MYO16: variants seen among roughly 807,000 people sequenced by gnomAD.
MYO16 encodes unconventional myosin-XVI.
Under a neutral mutation model 205.3 loss-of-function variants are expected in MYO16, and 94 were observed. The ratio of observed to expected loss-of-function variants is 0.46; its 90% CI spans 0.39 to 0.54. MYO16 has a LOEUF of 0.54. Ranked by LOEUF, MYO16 falls within the 20% of genes least tolerant of loss-of-function variation. The probability of loss-of-function intolerance (pLI) is 0.00; values close to 1 mark genes in which losing one functional copy is unlikely to be tolerated. For missense variants in MYO16, 2,315 were observed against 2,387.5 expected (o/e 0.97, Z 0.63); for synonymous variants, 988 against 954.0 (o/e 1.04, Z -0.66).
chr13:108,734,932 C>T (rs1884640960), intron 4 of MYO16, among the ~76,000 whole-genome samples: 1 of 152,036 alleles, frequency 6.6e-6, no homozygotes, highest in South Asian at 2.1e-4. Flanking sequence ...CCTAGAAAGT[C>T]CAGTGAGAAG....
chr13:108,841,447 A>G (rs879216056), intron 9 of MYO16, among the ~76,000 whole-genome samples: 5 of 151,890 alleles, frequency 3.3e-5, no homozygotes, highest in African/African-American at 1.2e-4. Flanking sequence ...GTAAAGCTTA[A>G]AATTGTACAA....
rs558030818 is a variant in MYO16 at position 109,160,012 on chromosome 13, T to A, written c.5165-4889T>A. ...TGTTTTAAAGCGAGGTTTCTCGGCC[T>A]CAGTACAATGGACATTCTGAGCTGG... On this transcript the variant is annotated intron_variant, in intron 32 of 34. Coordinates refer to ENST00000457511, the MANE Select transcript of MYO16 (RefSeq NM_001198950.3). Among the ~76,000 whole-genome samples the A allele has an allele frequency of 9.3e-4, 142 of 152,352 alleles. 2 individuals are homozygous for A. The highest frequency in any genetic ancestry group is 1.8e-3 in the Non-Finnish European group (120 of 68,024).
intron 1 of MYO16, among the ~76,000 whole-genome samples, chr13:108,597,784 G>A (rs1878615093): frequency 6.6e-6 from 1 of 152,112 alleles, no homozygotes; most frequent in African/African-American, 2.4e-5. Context: ...CATGGTCAAG[G>A]TAAAGAACAT....
At chr13:108,575,734 A>G in the MYO16 span, among the ~76,000 whole-genome samples, 12 of 152,246 alleles carry the variant, frequency 7.9e-5, no homozygotes, top group Non-Finnish European at 1.5e-4. Flanking sequence ...GCCCGCGTAT[A>G]CATTTCTTCT....
chr13:109,103,557 C>A (rs1355086537), intron 28 of MYO16, among the ~76,000 whole-genome samples: 1 of 152,166 alleles, frequency 6.6e-6, no homozygotes, highest in African/African-American at 2.4e-5. Flanking sequence ...AAATTCATTT[C>A]TTTTAACTGA....
intron 22 of MYO16, among the ~76,000 whole-genome samples, chr13:109,019,233 C>A (rs576805036): frequency 1.3e-5 from 2 of 152,146 alleles, no homozygotes; most frequent in South Asian, 4.1e-4. Context: ...CTGCGTTGGC[C>A]TCCCAAAGGG....
chr13:109,009,101 A>G (rs781507053), intron 22 of MYO16, 52 bp downstream of exon 22: 4 of 1,389,164 alleles, frequency 2.9e-6, no homozygotes, highest in Admixed American at 5.3e-5. Context: ...GTTTAAATAT[A>G]CTGGAGACAA....
At chr13:108,801,823 G>T (rs935250570) in intron 6 of MYO16, among the ~76,000 whole-genome samples, 1 of 152,182 alleles carries the variant, frequency 6.6e-6, no homozygotes, top group Non-Finnish European at 1.5e-5. Flanking sequence ...TCAGCTTATT[G>T]TCTAGTTAGT....
rs187219515 is a variant in MYO16, at chr13:108,831,170, T to C, written c.1097+7892T>C. 5.0e-4 allele frequency among the ~76,000 whole-genome samples: 76 copies of C among 152,168 alleles called. No homozygotes were observed. In the East Asian group the frequency reaches 9.1e-3, roughly 18 times the overall value. On this transcript the variant is annotated intron_variant, in intron 9 of 34. Coordinates refer to ENST00000457511, the MANE Select transcript of MYO16 (RefSeq NM_001198950.3). ...CTTCTTAATGCTATCACTTTGAGGA[T>C]TGGGTTTCAATAGATAAATGTAGGG...
At chr13:108,568,031 A>G in the MYO16 span, among the ~76,000 whole-genome samples, 2 of 152,148 alleles carry the variant, frequency 1.3e-5, no homozygotes, top group African/African-American at 4.8e-5. Flanking sequence ...TGTGGAATGG[A>G]TCAGTACTTC....
intron 4 of MYO16, among the ~76,000 whole-genome samples, chr13:108,777,616 G>A (rs975683271): frequency 1.3e-5 from 2 of 152,112 alleles, no homozygotes. Flanking sequence ...CACCACAGTG[G>A]GCAAGAACAA....
chr13:108,789,665 C>T (rs1886558775), intron 5 of MYO16, among the ~76,000 whole-genome samples: 1 of 152,084 alleles, frequency 6.6e-6, no homozygotes, highest in Admixed American at 6.6e-5. Context: ...CTTTATTTGC[C>T]TGCTCAGCTC....
chr13:108,634,291 C>T (rs577718586), intron 1 of MYO16, among the ~76,000 whole-genome samples: 14 of 152,242 alleles, frequency 9.2e-5, no homozygotes, highest in African/African-American at 3.4e-4. Flanking sequence ...GCATGTATTC[C>T]TCTTTGCCCA....
intron 27 of MYO16, among the ~76,000 whole-genome samples, chr13:109,066,857 T>C (rs758163849): frequency 7.2e-5 from 11 of 152,158 alleles, no homozygotes; most frequent in Non-Finnish European, 1.3e-4. Flanking sequence ...TTCTTTCTAA[T>C]ATAGTTGGGG....
At chr13:109,142,514 AG>A (rs1417481053) in intron 32 of MYO16, among the ~76,000 whole-genome samples, 1 of 152,124 alleles carries the variant, frequency 6.6e-6, no homozygotes, top group Non-Finnish European at 1.5e-5. Context: ...AAGTAACAAA[AG>A]GACCCAAGGC....
chr13:108,950,591 G>T (rs1392046679), intron 16 of MYO16, among the ~76,000 whole-genome samples: 3 of 152,170 alleles, frequency 2.0e-5, no homozygotes, highest in African/African-American at 7.2e-5. Flanking sequence ...TGCATTGCTG[G>T]TGGGAATGTA....
intron 27 of MYO16, among the ~76,000 whole-genome samples, chr13:109,090,202 G>A (rs1438787800): frequency 1.3e-5 from 2 of 152,220 alleles, no homozygotes; most frequent in Admixed American, 6.5e-5. Context: ...TCCTCCCTTA[G>A]CAGAGCCATG....
chr13:108,860,447 T>G (rs1209401881), intron 11 of MYO16, among the ~76,000 whole-genome samples: 1 of 152,204 alleles, frequency 6.6e-6, no homozygotes, highest in East Asian at 1.9e-4. Flanking sequence ...TCTTTGCTAT[T>G]GTGAATAGTG....
At chr13:108,740,108 G>T (rs1884850649) in intron 4 of MYO16, among the ~76,000 whole-genome samples, 1 of 149,294 alleles carries the variant, frequency 6.7e-6, no homozygotes, top group Non-Finnish European at 1.5e-5. Context: ...AGAGAAGTTT[G>T]GTTGTCTGAA....
Sources: allele counts gnomAD v4.1 joint callset (sites outside exome capture counted in the v4.1 genomes callset), GRCh38; gene constraint gnomAD v4.1.1; transcripts MANE v1.5; gene names NCBI Gene and HGNC (gene_info 2026-07-23, HGNC 2026-07-21).